The following SHOC2 variants were observed in gnomAD, a reference collection of about 807,000 sequenced individuals.
SHOC2 encodes SHOC2 leucine rich repeat scaffold protein, also known as leucine-rich repeat protein SHOC-2.
In SHOC2, 4 loss-of-function variants were observed where a neutral mutation model predicts 50.2. The ratio of observed to expected loss-of-function variants is 0.08; its 90% confidence interval spans 0.04 to 0.18. The LOEUF (loss-of-function observed/expected upper bound fraction) is 0.18, where lower values mean the gene tolerates loss of function less well. Among genes scored for constraint, SHOC2 ranks in the 10% least tolerant of loss-of-function variants. The pLI, the probability that SHOC2 is intolerant of heterozygous loss-of-function variation, is 1.00. For synonymous variants in SHOC2, 218 were observed against 244.5 expected (o/e 0.89, Z 1.01); for missense variants, 388 against 669.6 (o/e 0.58, Z 4.64).
intron 1 of SHOC2, among the ~76,000 whole-genome samples, chr10:110,924,412 A>G (rs1846715555): frequency 6.6e-6 from 1 of 152,198 alleles, no homozygotes; most frequent in African/African-American, 2.4e-5. Flanking sequence ...CTCTTGAGGA[A>G]TAAGTAGGAT....
intron 6 of SHOC2, 135 bp from the exon 7 acceptor site, chr10:111,009,113 G>T: frequency 2.0e-6 from 1 of 499,100 alleles, no homozygotes; most frequent in East Asian, 3.4e-5. Flanking sequence ...TATTTTATAT[G>T]TTATATAATT....
intron 2 of SHOC2, among the ~76,000 whole-genome samples, chr10:110,974,857 A>G (rs775009970): frequency 1.3e-5 from 2 of 152,198 alleles, no homozygotes; most frequent in Non-Finnish European, 2.9e-5. Flanking sequence ...CATAAGTCCC[A>G]TAATAATACA....
In SHOC2 at chr10:111,006,572, G is replaced by A. The variant is rs370221778; in HGVS notation, c.1162-959G>A. ...TTTTTAGTAGAGACGGGGTTTCACC[G>A]TTTTAGCCGGGATGGTCTCGATCTC... is the stretch of plus-strand genomic sequence containing the variant. On this transcript the variant is annotated intron_variant, in intron 5 of 8. Coordinates refer to ENST00000369452, the MANE Select transcript of SHOC2 (RefSeq NM_007373.4). Among the ~76,000 whole-genome samples the A allele has an allele frequency of 3.2e-3, 488 of 152,138 alleles. 26 individuals carry two copies. The South Asian group carries it at 0.092, about 29-fold the overall frequency.
At chr10:110,938,953 T>C (rs1273808404) in intron 1 of SHOC2, among the ~76,000 whole-genome samples, 2 of 152,212 alleles carry the variant, frequency 1.3e-5, no homozygotes, top group African/African-American at 4.8e-5. Context: ...TTTTTTGACA[T>C]GGAAATTTTG....
At chr10:110,956,931 A>G (rs1847476006) in intron 1 of SHOC2, among the ~76,000 whole-genome samples, 2 of 152,080 alleles carry the variant, frequency 1.3e-5, no homozygotes, top group Admixed American at 6.6e-5. Context: ...AGCCTCTTTA[A>G]TTGAAAGAAA....
chr10:110,997,963 C>T (rs1314707684), intron 3 of SHOC2, among the ~76,000 whole-genome samples: 3 of 151,084 alleles, frequency 2.0e-5, no homozygotes, highest in Non-Finnish European at 4.4e-5. Context: ...TTATTTTCTG[C>T]CAACCCAGCT....
At chr10:110,939,822 G>A (rs576052629) in intron 1 of SHOC2, among the ~76,000 whole-genome samples, 17 of 152,304 alleles carry the variant, frequency 1.1e-4, no homozygotes, top group African/African-American at 3.8e-4. Context: ...ACAGGCCAGA[G>A]ATGGATGAGT....
At chr10:110,956,644 C>A (rs1459865464) in intron 1 of SHOC2, among the ~76,000 whole-genome samples, 1 of 152,098 alleles carries the variant, frequency 6.6e-6, no homozygotes, top group Non-Finnish European at 1.5e-5. Flanking sequence ...ACTCTTCTTA[C>A]ATGTTAAAAA....
chr10:111,003,917 G>A (rs17185638), intron 4 of SHOC2, among the ~76,000 whole-genome samples: 2,981 of 152,108 alleles, frequency 0.02, 53 homozygotes, highest in Middle Eastern at 0.068. Context: ...CTTCTTTACC[G>A]CAGAGATTCT....
intron 1 of SHOC2, among the ~76,000 whole-genome samples, chr10:110,939,148 G>A (rs992517827): frequency 6.6e-6 from 1 of 152,038 alleles, no homozygotes; most frequent in African/African-American, 2.4e-5. Context: ...TTTTGCCTAG[G>A]TCACATTGGA....
At chr10:110,970,828 T>G (rs190207412) in intron 2 of SHOC2, among the ~76,000 whole-genome samples, 5 of 152,042 alleles carry the variant, frequency 3.3e-5, no homozygotes, top group Non-Finnish European at 5.9e-5. Context: ...TGATTAGTGA[T>G]GTTGAGCATT....
intron 1 of SHOC2, among the ~76,000 whole-genome samples, chr10:110,925,100 A>T (rs1302014759): frequency 6.7e-6 from 1 of 150,322 alleles, no homozygotes; most frequent in Non-Finnish European, 1.5e-5. Flanking sequence ...AAATTAAAAT[A>T]AAAAGCAATA....
At chr10:110,988,600 G>T (rs186783645) in intron 3 of SHOC2, among the ~76,000 whole-genome samples, 1 of 151,970 alleles carries the variant, frequency 6.6e-6, no homozygotes, top group East Asian at 1.9e-4. Flanking sequence ...AATCATTCTG[G>T]TTAGAAGTAT....
chr10:110,930,653 C>T (rs911754083), intron 1 of SHOC2, among the ~76,000 whole-genome samples: 4 of 147,284 alleles, frequency 2.7e-5, no homozygotes, highest in African/African-American at 1.0e-4. Context: ...TAAAGTATAT[C>T]TTGGGAATAC....
intron 1 of SHOC2, among the ~76,000 whole-genome samples, chr10:110,950,699 A>G (rs1847334342): frequency 6.6e-6 from 1 of 152,176 alleles, no homozygotes; most frequent in Non-Finnish European, 1.5e-5. Context: ...CAGAACAGAA[A>G]GCTTATACCA....
At chr10:110,946,328 T>G (rs1847246168) in intron 1 of SHOC2, among the ~76,000 whole-genome samples, 1 of 150,732 alleles carries the variant, frequency 6.6e-6, no homozygotes, top group Non-Finnish European at 1.5e-5. Flanking sequence ...ATTAATTTGT[T>G]GTTTTATTCA....
chr10:110,958,220 C>CTTTCT (rs1554856808), intron 1 of SHOC2, among the ~76,000 whole-genome samples: 1 of 145,472 alleles, frequency 6.9e-6, no homozygotes, highest in East Asian at 2.0e-4. Context: ...TTCTTTCTTT[C>CTTTCT]TTTTTTTTTT....
At chr10:110,945,695 G>T (rs1458541534) in intron 1 of SHOC2, among the ~76,000 whole-genome samples, 2 of 152,050 alleles carry the variant, frequency 1.3e-5, no homozygotes, top group Non-Finnish European at 2.9e-5. Flanking sequence ...ACCCCACTCA[G>T]ACTCTGACTC....
intron 7 of SHOC2, 87 bp downstream of exon 7, chr10:111,009,472 C>A: frequency 8.2e-7 from 1 of 1,222,678 alleles, no homozygotes; most frequent in Non-Finnish European, 1.2e-6. Context: ...TGATGTAATT[C>A]TTGGATCAGA....
Sources: allele counts gnomAD v4.1 joint callset (sites outside exome capture counted in the v4.1 genomes callset), GRCh38; gene constraint gnomAD v4.1.1; transcripts MANE v1.5; gene names NCBI Gene and HGNC (gene_info 2026-07-23, HGNC 2026-07-21).